The following FSTL4 variants were observed in gnomAD, a reference collection of about 807,000 sequenced individuals.
The protein encoded by FSTL4 is follistatin-related protein 4.
Under a neutral mutation model 78.2 loss-of-function variants are expected in FSTL4, and 28 were observed. That is an observed-to-expected ratio of 0.36 (90% CI 0.27 to 0.49). FSTL4 has a LOEUF of 0.49. FSTL4 is among the 20% of genes least tolerant of loss of function. The probability of loss-of-function intolerance (pLI) is 0.98; values close to 1 mark genes in which losing one functional copy is unlikely to be tolerated. For missense variants in FSTL4, 922 were observed against 1,084.9 expected, an observed-to-expected ratio of 0.85 and a Z score of 2.11; for synonymous variants, 422 against 440.5, an observed-to-expected ratio of 0.96 and a Z score of 0.53.
intron 6 of FSTL4, among the ~76,000 whole-genome samples, chr5:133,284,536 A>G (rs777236811): frequency 3.3e-5 from 5 of 152,152 alleles, no homozygotes; most frequent in Admixed American, 1.3e-4. Context: ...CTCCCTCTAC[A>G]TCCTTGCCAT....
chr5:133,510,517 C>A (rs897504850), intron 3 of FSTL4, among the ~76,000 whole-genome samples: 1 of 152,060 alleles, frequency 6.6e-6, no homozygotes, highest in Non-Finnish European at 1.5e-5. Flanking sequence ...GCTACTGGAC[C>A]TACCCAACAA....
intron 4 of FSTL4, among the ~76,000 whole-genome samples, chr5:133,319,371 G>C (rs1561670194): frequency 6.6e-6 from 1 of 152,208 alleles, no homozygotes; most frequent in Non-Finnish European, 1.5e-5. Flanking sequence ...TACATACTGT[G>C]TGCCCGATGC....
intron 4 of FSTL4, among the ~76,000 whole-genome samples, chr5:133,352,153 G>A (rs1220417916): frequency 6.6e-6 from 1 of 151,600 alleles, no homozygotes; most frequent in African/African-American, 2.4e-5. Flanking sequence ...CCTTGGAAGT[G>A]AGCATAGTAC....
At chr5:133,344,999 C>T (rs1199600611) in intron 4 of FSTL4, among the ~76,000 whole-genome samples, 3 of 146,140 alleles carry the variant, frequency 2.1e-5, no homozygotes, top group African/African-American at 5.1e-5. Flanking sequence ...GACGGAGTCT[C>T]GCTCTGTCTC....
At chr5:133,515,322 G>A (rs954326908) in intron 3 of FSTL4, among the ~76,000 whole-genome samples, 1 of 151,792 alleles carries the variant, frequency 6.6e-6, no homozygotes, top group South Asian at 2.1e-4. Flanking sequence ...AGGTCAGGAG[G>A]TCAGGGCTGG....
intron 2 of FSTL4, among the ~76,000 whole-genome samples, chr5:133,598,061 T>C (rs1038006700): frequency 6.6e-6 from 1 of 152,206 alleles, no homozygotes; most frequent in Non-Finnish European, 1.5e-5. Context: ...TAAGTTCATC[T>C]TTCCCATCAC....
At chr5:133,832,227 A>G in the FSTL4 span, among the ~76,000 whole-genome samples, 1 of 152,216 alleles carries the variant, frequency 6.6e-6, no homozygotes, top group African/African-American at 2.4e-5. Flanking sequence ...TGATTACTCT[A>G]AAGGAAGCTG....
chr5:133,840,722 G>A, the FSTL4 span, among the ~76,000 whole-genome samples: 1 of 152,250 alleles, frequency 6.6e-6, no homozygotes. Flanking sequence ...CACAGGATTT[G>A]AGAATGAGGA....
chr5:133,725,404 TCAGTAAATAA>T, the FSTL4 span, among the ~76,000 whole-genome samples: 3 of 152,166 alleles, frequency 2.0e-5, no homozygotes, highest in Non-Finnish European at 4.4e-5. Flanking sequence ...TATTATTCTG[TCAGTAAATAA>T]CAGTTCTACA....
chr5:133,532,780 C>T (rs1032053927), intron 3 of FSTL4, among the ~76,000 whole-genome samples: 1 of 152,172 alleles, frequency 6.6e-6, no homozygotes, highest in Non-Finnish European at 1.5e-5. Flanking sequence ...GCCATCCTGG[C>T]TCAGAAAGGC....
chr5:133,809,609 GA>G, the FSTL4 span, among the ~76,000 whole-genome samples: 17,860 of 136,752 alleles, frequency 0.13, 1,137 homozygotes, highest in East Asian at 0.21. Flanking sequence ...ACCAAAAATG[GA>G]AAAAAAAAAA....
the FSTL4 span, among the ~76,000 whole-genome samples, chr5:133,680,019 C>A: frequency 1.3e-5 from 2 of 152,148 alleles, no homozygotes; most frequent in African/African-American, 4.8e-5. Flanking sequence ...GTGAGAGGAG[C>A]TAGGATGTCA....
At chr5:133,653,880 A>G in the FSTL4 span, among the ~76,000 whole-genome samples, 8 of 152,246 alleles carry the variant, frequency 5.3e-5, no homozygotes, top group Non-Finnish European at 1.2e-4. Flanking sequence ...GCATTGTTAA[A>G]GGCAGTCTGC....
At chr5:133,549,576 A>G (rs183382617) in intron 3 of FSTL4, among the ~76,000 whole-genome samples, 25 of 152,058 alleles carry the variant, frequency 1.6e-4, no homozygotes, top group Admixed American at 3.9e-4. Flanking sequence ...GGTGTTTTGC[A>G]TCCTTTCATT....
At chr5:133,634,186 G>C in the FSTL4 span, among the ~76,000 whole-genome samples, 1 of 152,258 alleles carries the variant, frequency 6.6e-6, no homozygotes, top group African/African-American at 2.4e-5. Context: ...TGTGGTGATG[G>C]TACTGGGGCA....
intron 4 of FSTL4, among the ~76,000 whole-genome samples, chr5:133,360,281 G>A (rs1755040272): frequency 6.6e-6 from 1 of 152,182 alleles, no homozygotes; most frequent in Non-Finnish European, 1.5e-5. Flanking sequence ...AAGCCCATTT[G>A]ATGATGAGAA....
chr5:133,754,596 A>G, the FSTL4 span, among the ~76,000 whole-genome samples: 1 of 152,230 alleles, frequency 6.6e-6, no homozygotes, highest in Admixed American at 6.5e-5. Context: ...TAGACAGGAT[A>G]GAAAACTGAT....
chr5:133,368,309 T>C (rs1755219868), intron 4 of FSTL4, among the ~76,000 whole-genome samples: 1 of 152,234 alleles, frequency 6.6e-6, no homozygotes, highest in Non-Finnish European at 1.5e-5. Context: ...ATGCCAAGGC[T>C]CAGGCAAGCT....
chr5:133,348,520 G>A (rs895721693), intron 4 of FSTL4, among the ~76,000 whole-genome samples: 3 of 152,240 alleles, frequency 2.0e-5, no homozygotes, highest in Non-Finnish European at 2.9e-5. Context: ...GGGGGTCCCA[G>A]GATGCCATGG....
Sources: gnomAD v4.1 joint callset for allele counts (sites outside exome capture counted in the v4.1 genomes callset) on GRCh38, gnomAD v4.1.1 for gene constraint, MANE v1.5 for transcripts, NCBI Gene and HGNC (gene_info 2026-07-23, HGNC 2026-07-21) for gene names.